The following FGR variants were observed in gnomAD, a reference collection of about 807,000 sequenced individuals.
FGR encodes FGR proto-oncogene, Src family tyrosine kinase.
A neutral mutation model predicts 63.2 loss-of-function variants in FGR; 26 were observed. The ratio of observed to expected loss-of-function variants is 0.41; its 90% CI spans 0.30 to 0.57. The LOEUF is 0.57. FGR is among the 20% of genes least tolerant of loss of function. The pLI, the probability that FGR is intolerant of heterozygous loss-of-function variation, is 0.27. For synonymous variants in FGR, 286 were observed against 277.7 expected (o/e 1.03, Z -0.30); for missense variants, 511 against 690.8 (o/e 0.74, Z 2.92).
chr1:27,618,609 CTCT>C (rs2089860316), intron 5 of FGR, among the ~76,000 whole-genome samples: 2 of 152,248 alleles, frequency 1.3e-5, no homozygotes, highest in Non-Finnish European at 2.9e-5. Context: ...ATTGTCCGTC[CTCT>C]TCTTCACGCC....
At position 27,614,550 on chromosome 1, in the gene FGR, T is replaced by C. The variant is rs2089763031; in HGVS notation, c.1129A>G (p.Asn377Asp). 2 of 1,614,082 alleles carry C rather than the reference T, an allele frequency of 1.2e-6. No homozygotes were observed. The highest frequency in any genetic ancestry group is 1.7e-6 in the Non-Finnish European group (2 of 1,179,980). Residue 377 changes from asparagine (N) to aspartate (D), a missense_variant, in exon 11 of 13, where the codon AAC becomes GAC. Physicochemically the swap from Asn to Asp is conservative, Grantham distance 23. Transcript: ENST00000374005. ...GCCCTCAGGTCGCGGTGAATGTAGT[T>C]CATGCGTTCCATGTAGGCCATGCCC... ...AEGMAYMERM[N>D]YIHRDLRAAN...
chr1:27,612,723 T>G lies in FGR; in HGVS notation c.*191A>C. The stretch of plus-strand genomic sequence containing the variant: ...GCTTGGGGCCAGAGCGGATGAGAGA[T>G]CAGCTCTGGGCCTCCTTTTGCCCCA... On this transcript the variant is annotated 3_prime_UTR_variant, in exon 13 of 13. Transcript: ENST00000374005. 1.7e-6 allele frequency: 1 copy of G among 588,904 alleles called. No individual in the cohort carries two copies. Among genetic ancestry groups the G allele is most frequent in the South Asian group, 2.1e-5 (1 of 48,222 alleles). The allele number at this position is 588,904 out of a possible 1,614,324, so 36.5% of individuals were successfully genotyped here.
rs1279101192 is a variant in FGR, at chr1:27,615,474, C to T, written c.978G>A (p.Ser326=). The change falls in exon 9 of 13, where the codon TCG becomes TCA. Residue 326 remains serine, a synonymous_variant. Coordinates refer to ENST00000374005, the MANE Select transcript of FGR (RefSeq NM_005248.3). This position sits in a 1 kb window ranked among gnomAD's most constrained non-coding sequence, Gnocchi z 7.6. ...CGGTCACGATGTAGATGGGCTCCTCCGACACCACGGCGTACAGCTGCACCA... is the reference window on the plus strand; with the variant it reads ...CGGTCACGATGTAGATGGGCTCCTCTGACACCACGGCGTACAGCTGCACCA... The part of the protein sequence containing the change: ...DKLVQLYAVV[S]EEPIYIVTEF... 6.2e-7 allele frequency: 1 copy of T among 1,610,526 alleles called. No individual in the cohort carries two copies. Among genetic ancestry groups the T allele is most frequent in the South Asian group, 1.1e-5 (1 of 91,010 alleles).
chr1:27,625,435 AACCCCATC>A (rs2090004535), intron 1 of FGR, among the ~76,000 whole-genome samples: 1 of 152,208 alleles, frequency 6.6e-6, no homozygotes, highest in South Asian at 2.1e-4. Flanking sequence ...TGTGCGTGCC[AACCCCATC>A]ACACGCCAAT....
At position 27,612,949 on chromosome 1, in the gene FGR, C is replaced by T. The variant is rs371077484; in HGVS notation, c.1555G>A (p.Ala519Thr). The change falls in exon 13 of 13, where the codon GCT becomes ACT. Residue 519 changes from alanine (A) to threonine (T), a missense_variant. Physicochemically the swap from Ala to Thr is moderately conservative, Grantham distance 58. Transcript: ENST00000374005. Reference sequence around the variant, plus strand: ...TCCCCGGGCTGGTACTGTGGTTCAGCGGAGGTGAAGTAGTCCTCCAGGAAG... The same window carrying T: ...TCCCCGGGCTGGTACTGTGGTTCAGTGGAGGTGAAGTAGTCCTCCAGGAAG... Reference protein sequence around the residue: ...QSFLEDYFTSAEPQYQPGDQT With the variant: ...QSFLEDYFTSTEPQYQPGDQT The T allele has an allele frequency of 6.9e-5, 111 of 1,613,966 alleles. No individual in the cohort carries two copies. Among genetic ancestry groups the T allele is most frequent in the Non-Finnish European group, 8.9e-5 (105 of 1,180,006 alleles).
intron 1 of FGR, chr1:27,626,195 G>C: frequency 2.5e-6 from 1 of 398,660 alleles, no homozygotes; most frequent in Non-Finnish European, 4.4e-6. Context: ...ATTGAGCAAG[G>C]GTCCCCCACA....
Position 27,615,305 on chromosome 1 carries a change from A to T in FGR, c.1018+129T>A, listed in dbSNP as rs1196344217. On this transcript the variant is annotated intron_variant, in intron 9 of 12. Transcript: ENST00000374005. This position sits in a 1 kb window ranked among gnomAD's most constrained non-coding sequence, Gnocchi z 7.6. ...CCTCAGCCCTCCAGTCGTTTTACACACCTGGTCCCTTAGTGGGACTCTGCC... is the reference window on the plus strand; with the variant it reads ...CCTCAGCCCTCCAGTCGTTTTACACTCCTGGTCCCTTAGTGGGACTCTGCC... The T allele has an allele frequency of 1.3e-5, 15 of 1,115,948 alleles. No homozygotes were observed. Among genetic ancestry groups the T allele is most frequent in the Non-Finnish European group, 1.9e-5 (15 of 772,828 alleles). The allele number at this position is 1,115,948 out of a possible 1,614,324, so 69.1% of individuals were successfully genotyped here.
chr1:27,628,827 C>T (rs546360376), intron 1 of FGR, among the ~76,000 whole-genome samples: 10 of 152,292 alleles, frequency 6.6e-5, no homozygotes, highest in Admixed American at 3.9e-4. Context: ...CTGACCGTGT[C>T]GTCAGCAGGC....
chr1:27,630,659 T>C (rs1208017967), intron 1 of FGR, among the ~76,000 whole-genome samples: 1 of 152,122 alleles, frequency 6.6e-6, no homozygotes, highest in East Asian at 1.9e-4. Flanking sequence ...GGTCTCTCTT[T>C]TCTCAGCACT....
In FGR at chr1:27,617,433, G is replaced by T. The variant is rs2089836434; in HGVS notation, c.429-137C>A. ...GCTGGTACACCTGCTTCACATCCTG[G>T]CTGGGAGGGTTACAGAGAAGGGGAG... On this transcript the variant is annotated intron_variant, in intron 5 of 12. Coordinates refer to ENST00000374005, the MANE Select transcript of FGR (RefSeq NM_005248.3). The surrounding 1 kb of genome is among the most constrained non-coding windows in gnomAD (Gnocchi z 4.5). The T allele has an allele frequency of 1.5e-6, 1 of 647,692 alleles. No homozygotes were observed. The highest frequency in any genetic ancestry group is 1.8e-5 in the South Asian group (1 of 56,940). 40.1% of individuals were successfully genotyped at this position (647,692 alleles called of 1,614,324 possible).
In FGR at chr1:27,621,585, G is replaced by A. The variant is rs1370914392; in HGVS notation, c.402C>T (p.Ala134=). ...KTGCIPSNYV[A]PVDSIQAEEW... ...CTTCAGCTTGGATTGAGTCAACAGG[G>A]GCCACGTAGTTGCTGGGAATGCAGC... Residue 134 remains alanine (A), a synonymous_variant, in exon 5 of 13, where the codon GCC becomes GCT. Coordinates refer to ENST00000374005, the MANE Select transcript of FGR (RefSeq NM_005248.3). The A allele has an allele frequency of 1.2e-6, 2 of 1,613,826 alleles. No homozygotes were observed. The highest frequency in any genetic ancestry group is 2.2e-5 in the South Asian group (2 of 91,066).
chr1:27,630,759 G>T (rs561826435), intron 1 of FGR, among the ~76,000 whole-genome samples: 4 of 152,084 alleles, frequency 2.6e-5, no homozygotes, highest in Non-Finnish European at 5.9e-5. Flanking sequence ...TTATAAATAT[G>T]TCTCTTGAAC....
intron 1 of FGR, chr1:27,626,040 A>G: frequency 2.5e-6 from 1 of 398,548 alleles, no homozygotes; most frequent in Non-Finnish European, 4.4e-6. Flanking sequence ...GAGAGTGGAT[A>G]CCTACCTCCG....
At chr1:27,618,708 T>C (rs964304193) in intron 5 of FGR, among the ~76,000 whole-genome samples, 2 of 152,182 alleles carry the variant, frequency 1.3e-5, no homozygotes, top group Non-Finnish European at 2.9e-5. Context: ...ACCCACTTCC[T>C]GCCAGCAGCC....
chr1:27,615,716 T>A lies in FGR; in HGVS notation c.811A>T (p.Thr271Ser). Residue 271 changes from threonine to serine, a missense_variant, in exon 8 of 13, where the codon ACC becomes TCC. By Grantham distance (58) the Thr-to-Ser change is moderately conservative (BLOSUM62 1). Coordinates refer to ENST00000374005, the MANE Select transcript of FGR (RefSeq NM_005248.3). The surrounding 1 kb of genome is among the most constrained non-coding windows in gnomAD (Gnocchi z 7.6). The stretch of plus-strand genomic sequence containing the variant: ...AGCCACACATCCCCGAAGCAGCCGG[T>A]GCCCAGCCGGCGCTCCAGCGTGATG... ...SSITLERRLG[T>S]GCFGDVWLGT... 6.2e-7 allele frequency: 1 copy of A among 1,606,910 alleles called. No individual in the cohort carries two copies. Among genetic ancestry groups the A allele is most frequent in the Non-Finnish European group, 8.5e-7 (1 of 1,175,308 alleles).
In FGR at chr1:27,612,826, T is replaced by C; in HGVS notation, c.*88A>G. Reference sequence around the variant, plus strand: ...GTGATGCTAGGACTCTATGGGGTTCTAAGCCAGCCTGGGGGCTTTGGAAGA... The same window carrying C: ...GTGATGCTAGGACTCTATGGGGTTCCAAGCCAGCCTGGGGGCTTTGGAAGA... On this transcript the variant is annotated 3_prime_UTR_variant, in exon 13 of 13. Coordinates refer to ENST00000374005, the MANE Select transcript of FGR (RefSeq NM_005248.3). The C allele has an allele frequency of 7.5e-7, 1 of 1,337,912 alleles. No individual in the cohort carries two copies. Among genetic ancestry groups the C allele is most frequent in the Non-Finnish European group, 1.0e-6 (1 of 965,442 alleles). The allele number at this position is 1,337,912 out of a possible 1,614,324, so 82.9% of individuals were successfully genotyped here.
intron 2 of FGR, among the ~76,000 whole-genome samples, 157 bp downstream of exon 2, chr1:27,624,932 C>A (rs1030246459): frequency 1.3e-5 from 2 of 152,090 alleles, no homozygotes; most frequent in African/African-American, 4.8e-5. Flanking sequence ...GTGGGTCCAG[C>A]CTTCAGCCTC....
At chr1:27,618,911 G>A (rs887151923) in intron 5 of FGR, among the ~76,000 whole-genome samples, 5 of 152,140 alleles carry the variant, frequency 3.3e-5, no homozygotes, top group South Asian at 2.1e-4. Context: ...CCCAGGCTCT[G>A]CTGTCTGGCC....
At position 27,626,133 on chromosome 1, in the gene FGR, G is replaced by A. The variant is rs115653145; in HGVS notation, c.-76-982C>T. 7.5e-3 allele frequency: 3,000 copies of A among 398,610 alleles called. 74 individuals are homozygous for A. Among genetic ancestry groups the A allele is most frequent in the African/African-American group, 0.054 (2,648 of 48,692 alleles). The allele number at this position is 398,610 out of a possible 1,614,324, so 24.7% of individuals were successfully genotyped here. A position where few individuals can be genotyped will look rare whatever the true frequency, so the allele number is the denominator to read the frequency against. On this transcript the variant is annotated intron_variant, in intron 1 of 12. Coordinates refer to ENST00000374005, the MANE Select transcript of FGR (RefSeq NM_005248.3). ...AGAGTACCTTGGGAAGCCCCACAATGAGCCAACCCTTTTCTGGCAGCGGTA... is the reference window on the plus strand; with the variant it reads ...AGAGTACCTTGGGAAGCCCCACAATAAGCCAACCCTTTTCTGGCAGCGGTA...
Sources: allele counts gnomAD v4.1 joint callset (sites outside exome capture counted in the v4.1 genomes callset), GRCh38; gene constraint gnomAD v4.1.1; non-coding constraint Gnocchi (gnomAD v3.1); transcripts MANE v1.5; gene names NCBI Gene and HGNC (gene_info 2026-07-23, HGNC 2026-07-21).